BIRC6: variants seen among roughly 807,000 people sequenced by gnomAD.
BIRC6 encodes the protein dual E2 ubiquitin-conjugating enzyme/E3 ubiquitin-protein ligase BIRC6.
Under a neutral mutation model 503.3 loss-of-function variants are expected in BIRC6, and 98 were observed. That is an observed-to-expected ratio of 0.19 (90% CI 0.17 to 0.23). The LOEUF (loss-of-function observed/expected upper bound fraction) is 0.23. BIRC6 is among the 10% of genes least tolerant of loss of function. The probability of loss-of-function intolerance (pLI) is 1.00; values close to 1 mark genes in which losing one functional copy is unlikely to be tolerated. For synonymous variants in BIRC6, 2,240 were observed against 2,078.7 expected (o/e 1.08, Z -2.11); for missense variants, 5,360 against 5,806.0 (o/e 0.92, Z 2.50).
chr2:32,513,114 G>C lies in BIRC6; in HGVS notation c.10528G>C (p.Glu3510Gln). ...ILWHSYELLV[E>Q]YDLPALLDQE... The stretch of plus-strand genomic sequence containing the variant: ...GTGGCATAGTTATGAGCTGCTTGTA[G>C]AATATGACTTACCAGCACTCCTGGA... Residue 3510 changes from glutamate to glutamine, a missense_variant, in exon 54 of 74, where the codon GAA becomes CAA. This residue lies in a region of BIRC6 where 878 missense variants were observed against 928.9 expected (regional missense o/e 0.95). Transcript: ENST00000421745. The C allele has an allele frequency of 6.2e-7, 1 of 1,613,808 alleles. No individual in the cohort carries two copies.
At chr2:32,580,544 G>C (rs1300954143) in intron 66 of BIRC6, among the ~76,000 whole-genome samples, 2 of 152,150 alleles carry the variant, frequency 1.3e-5, no homozygotes, top group African/African-American at 4.8e-5. Flanking sequence ...TCAGGGGCTA[G>C]AAGATAAACA....
intron 10 of BIRC6, among the ~76,000 whole-genome samples, 181 bp downstream of exon 10, chr2:32,416,344 A>T (rs946259690): frequency 2.0e-5 from 3 of 152,122 alleles, no homozygotes; most frequent in Non-Finnish European, 4.4e-5. Flanking sequence ...TGCCCTAGGT[A>T]AGGATTCTAA....
At chr2:32,454,007 A>G (rs1221996017) in intron 23 of BIRC6, 65 bp downstream of exon 23, 4 of 1,224,258 alleles carry the variant, frequency 3.3e-6, no homozygotes, top group Non-Finnish European at 4.4e-6. Flanking sequence ...TGATATTTAT[A>G]TATTTAAACA....
intron 45 of BIRC6, 144 bp downstream of exon 45, chr2:32,493,811 G>T (rs185794135): frequency 3.2e-6 from 2 of 628,334 alleles, no homozygotes; most frequent in Non-Finnish European, 2.6e-6. Flanking sequence ...GGATATATTG[G>T]TGTGTTTCCT....
rs1402482750 is a variant in BIRC6 at position 32,434,753 on chromosome 2, A to G, written c.3410-743A>G. Reference sequence around the variant, plus strand: ...TGGTGCTACTCAGGTGGCAGTACTCATGAGGCTGAGGCAGGAGGATCACTT... The same window carrying G: ...TGGTGCTACTCAGGTGGCAGTACTCGTGAGGCTGAGGCAGGAGGATCACTT... On this transcript the variant is annotated intron_variant, in intron 13 of 73. Coordinates refer to ENST00000421745, the MANE Select transcript of BIRC6 (RefSeq NM_016252.4). 2.0e-5 allele frequency among the ~76,000 whole-genome samples: 3 copies of G among 151,988 alleles called. No homozygotes were observed. The South Asian group carries it at 6.2e-4, about 32-fold the overall frequency.
intron 9 of BIRC6, among the ~76,000 whole-genome samples, chr2:32,407,093 A>G (rs770548042): frequency 3.9e-5 from 6 of 152,196 alleles, no homozygotes; most frequent in Non-Finnish European, 7.3e-5. Flanking sequence ...TCTACTTAAT[A>G]TAGTCTGATT....
chr2:32,493,455 G>C, intron 44 of BIRC6, 85 bp from the exon 45 acceptor site: 1 of 1,330,224 alleles, frequency 7.5e-7, no homozygotes, highest in Non-Finnish European at 1.0e-6. Context: ...TATAGCTTTT[G>C]ACTTTCTACT....
chr2:32,552,259 C>T (rs2058477413), intron 65 of BIRC6, among the ~76,000 whole-genome samples: 1 of 152,102 alleles, frequency 6.6e-6, no homozygotes, highest in Non-Finnish European at 1.5e-5. Flanking sequence ...TGTTTAATGA[C>T]TGTTAAAGAT....
chr2:32,481,230 G>T (rs1572524240), intron 37 of BIRC6, 90 bp from the exon 38 acceptor site: 1 of 1,197,138 alleles, frequency 8.4e-7, no homozygotes, highest in East Asian at 2.7e-5. Context: ...TAACATGCAA[G>T]TAAAATAACT....
At position 32,518,901 on chromosome 2, in the gene BIRC6, T is replaced by C; in HGVS notation, c.11578T>C (p.Leu3860=). The part of the protein sequence containing the change: ...GAGHKFRTLH[L]PVSTTLSDVL... ...AGGCCACAAATTCCGTACTCTTCAT[T>C]TGCCAGTCTCAACAACATTATCAGA... Residue 3860 remains leucine, a synonymous_variant, in exon 57 of 74, where the codon TTG becomes CTG. Transcript: ENST00000421745. The C allele has an allele frequency of 6.2e-7, 1 of 1,613,900 alleles. No homozygotes were observed. Among genetic ancestry groups the C allele is most frequent in the Non-Finnish European group, 8.5e-7 (1 of 1,179,826 alleles).
chr2:32,570,101 G>C (rs1490671649), intron 65 of BIRC6, among the ~76,000 whole-genome samples: 1 of 152,002 alleles, frequency 6.6e-6, no homozygotes, highest in Admixed American at 6.6e-5. Flanking sequence ...TTCCTTCTAT[G>C]CCCAGTTTAT....
At chr2:32,616,881 G>C (rs771135061) in intron 73 of BIRC6, among the ~76,000 whole-genome samples, 45 of 152,152 alleles carry the variant, frequency 3.0e-4, no homozygotes, top group Non-Finnish European at 6.0e-4. Context: ...AAGGCAGGTG[G>C]ATCGCTTGGA....
chr2:32,444,850 A>G (rs1342198048), intron 20 of BIRC6, among the ~76,000 whole-genome samples: 1 of 152,252 alleles, frequency 6.6e-6, no homozygotes, highest in African/African-American at 2.4e-5. Flanking sequence ...TATTTTGGCT[A>G]CAACCATTAA....
At chr2:32,398,456 A>G (rs2040222083) in intron 6 of BIRC6, among the ~76,000 whole-genome samples, 1 of 152,186 alleles carries the variant, frequency 6.6e-6, no homozygotes, top group African/African-American at 2.4e-5. Flanking sequence ...AGAATGGTAG[A>G]TGATTGGATA....
intron 53 of BIRC6, 49 bp from the exon 54 acceptor site, chr2:32,512,884 C>T (rs1296572833): frequency 3.5e-6 from 5 of 1,442,338 alleles, no homozygotes; most frequent in East Asian, 2.3e-5. Context: ...ATATGAAATG[C>T]CAATTGCACT....
chr2:32,545,440 C>T (rs183271350), intron 62 of BIRC6, among the ~76,000 whole-genome samples: 6 of 151,904 alleles, frequency 3.9e-5, no homozygotes, highest in African/African-American at 1.2e-4. Flanking sequence ...TTATGTATAC[C>T]GTGTCTGACA....
chr2:32,464,405 C>A, intron 24 of BIRC6, 104 bp from the exon 25 acceptor site: 2 of 1,279,262 alleles, frequency 1.6e-6, no homozygotes, highest in Admixed American at 2.9e-5. Flanking sequence ...TAAGTATGAT[C>A]AATTTAATCA....
intron 10 of BIRC6, among the ~76,000 whole-genome samples, chr2:32,428,759 T>C (rs1218304732): frequency 6.6e-6 from 1 of 152,190 alleles, no homozygotes; most frequent in East Asian, 1.9e-4. Flanking sequence ...TTTGTTATTG[T>C]TGAGATTAAG....
In BIRC6 at chr2:32,507,491, C is replaced by G. The variant is rs1362052403; in HGVS notation, c.9701-489C>G. On this transcript the variant is annotated intron_variant, in intron 50 of 73. Coordinates refer to ENST00000421745, the MANE Select transcript of BIRC6 (RefSeq NM_016252.4). ...TTCTAAACTCAGCTGTGAGGTTAAA[C>G]TCAATGTTTAAAAAAATCACAATCT... Among the ~76,000 whole-genome samples, 4 of 152,170 alleles carry G rather than the reference C, an allele frequency of 2.6e-5. No individual in the cohort carries two copies. In the East Asian group the frequency reaches 7.7e-4, roughly 29 times the overall value.
Sources: gnomAD v4.1 joint callset for allele counts (sites outside exome capture counted in the v4.1 genomes callset) on GRCh38, gnomAD v4.1.1 for gene constraint, gnomAD v4.1.1 regional missense constraint, MANE v1.5 for transcripts, NCBI Gene and HGNC (gene_info 2026-07-23, HGNC 2026-07-21) for gene names.